NBPF3: variants seen among roughly 807,000 people sequenced by gnomAD.
NBPF3 encodes the protein NBPF family member NBPF3.
A neutral mutation model predicts 78.1 loss-of-function variants in NBPF3; 57 were observed. The ratio of observed to expected loss-of-function variants is 0.73; its 90% CI spans 0.59 to 0.91. The LOEUF is 0.91. NBPF3 is among the 40% of genes least tolerant of loss of function. NBPF3 has a pLI of 0.00. For synonymous variants in NBPF3, 182 were observed against 271.7 expected (o/e 0.67, Z 3.25); for missense variants, 510 against 715.3 (o/e 0.71, Z 3.27).
Position 21,473,564 on chromosome 1 carries a change from G to A in NBPF3, c.919G>A (p.Asp307Asn). The change falls in exon 7 of 15, where the codon GAT becomes AAT. Residue 307 changes from aspartate (D) to asparagine (N), a missense_variant. Coordinates refer to ENST00000318249, the MANE Select transcript of NBPF3 (RefSeq NM_032264.6). ...IDSSSHDEWLDAVCIIPENES... is the reference protein window; with the variant it reads ...IDSSSHDEWLNAVCIIPENES... ...CTCATCCTCTCATGATGAATGGTTG[G>A]ATGCTGTATGCATTATCCCAGGTAG... The A allele has an allele frequency of 6.2e-7, 1 of 1,614,170 alleles. No homozygotes were observed. Among genetic ancestry groups the A allele is most frequent in the Non-Finnish European group, 8.5e-7 (1 of 1,179,984 alleles).
rs569021932 is a variant in NBPF3 at position 21,482,191 on chromosome 1, C to T, written c.1607-293C>T. 2.2e-3 allele frequency among the ~76,000 whole-genome samples: 334 copies of T among 150,244 alleles called. 6 individuals are homozygous for T. The highest frequency in any genetic ancestry group is 1.4e-3 in the Non-Finnish European group (94 of 67,628). On this transcript the variant is annotated intron_variant, in intron 13 of 14. Transcript: ENST00000318249. The stretch of plus-strand genomic sequence containing the variant: ...TTTTCTCCTAGAAATCGTTTGAGGG[C>T]ATTTGCTTTAAATTGATTGGAAAGA...
intron 2 of NBPF3, among the ~76,000 whole-genome samples, chr1:21,455,011 G>C (rs532092812): frequency 9.1e-4 from 138 of 152,282 alleles, no homozygotes; most frequent in African/African-American, 3.0e-3. Flanking sequence ...CCTTGTGACT[G>C]TAGGACTGAG....
At position 21,468,834 on chromosome 1, in the gene NBPF3, C is replaced by G. The variant is rs1028497827; in HGVS notation, c.280C>G (p.Leu94Val). 3 of 1,614,042 alleles carry G rather than the reference C, an allele frequency of 1.9e-6. No homozygotes were observed. Among genetic ancestry groups the G allele is most frequent in the East Asian group, 2.2e-5 (1 of 44,896 alleles). ...AGAGAACAAACAGCAGTTCAGAAAC[C>G]TCAAACAGAAATGTCTTGTAACTCA... ...LAENKQQFRN[L>V]KQKCLVTQVA... Residue 94 changes from leucine to valine, a missense_variant, in exon 3 of 15, where the codon CTC becomes GTC. Physicochemically the swap from Leu to Val is conservative, Grantham distance 32. This residue lies in a region of NBPF3 where 440 missense variants were observed against 478.2 expected (regional missense o/e 0.92). Coordinates refer to ENST00000318249, the MANE Select transcript of NBPF3 (RefSeq NM_032264.6).
chr1:21,474,534 C>T (rs1161840806), intron 7 of NBPF3, among the ~76,000 whole-genome samples: 2 of 151,300 alleles, frequency 1.3e-5, no homozygotes, highest in African/African-American at 4.9e-5. Context: ...GTGTAGATCC[C>T]TCTAAACATT....
chr1:21,444,985 G>A lies in NBPF3; in HGVS notation c.-102G>A. On this transcript the variant is annotated 5_prime_UTR_variant, in exon 2 of 15. Coordinates refer to ENST00000318249, the MANE Select transcript of NBPF3 (RefSeq NM_032264.6). ...CAAATCCTGTTTAGACCCAGGCGAA[G>A]GTTCCTGGTGACCCAGGCTCTCACC... The A allele has an allele frequency of 1.5e-6, 2 of 1,343,548 alleles. No individual in the cohort carries two copies. The highest frequency in any genetic ancestry group is 1.5e-5 in the African/African-American group (1 of 68,158). The allele number at this position is 1,343,548 out of a possible 1,614,324, so 83.2% of individuals were successfully genotyped here.
upstream of NBPF3, among the ~76,000 whole-genome samples, chr1:21,437,098 T>C (rs533512796): frequency 3.3e-5 from 5 of 152,064 alleles, no homozygotes; most frequent in South Asian, 1.0e-3. Flanking sequence ...GTTAGGGTCC[T>C]GGTAGAGAGG....
chr1:21,473,600 C>A lies in NBPF3; in HGVS notation c.940+15C>A, dbSNP rs750737912. 2 of 1,604,646 alleles carry A rather than the reference C, an allele frequency of 1.2e-6. No individual in the cohort carries two copies. The highest frequency in any genetic ancestry group is 1.7e-5 in the Admixed American group (1 of 60,016). On this transcript the variant is annotated intron_variant, in intron 7 of 14. Transcript: ENST00000318249. ...CATTATCCCAGGTAGCCTCTATTTT[C>A]CTGTGTCTCACACCTTTTCCTATGC...
chr1:21,473,687 T>A, intron 7 of NBPF3, 102 bp downstream of exon 7: 1 of 1,045,572 alleles, frequency 9.6e-7, no homozygotes, highest in African/African-American at 1.6e-5. Flanking sequence ...TAAAATCTAT[T>A]ATGGTATTCT....
chr1:21,457,182 G>GTGTA (rs1385759003), intron 2 of NBPF3, among the ~76,000 whole-genome samples: 1 of 151,658 alleles, frequency 6.6e-6, no homozygotes, highest in East Asian at 1.9e-4. Flanking sequence ...GTGTGTGTGT[G>GTGTA]TGTGTGTATG....
intron 1 of NBPF3, among the ~76,000 whole-genome samples, chr1:21,443,237 T>C (rs975894974): frequency 2.6e-5 from 4 of 152,248 alleles, no homozygotes; most frequent in African/African-American, 9.6e-5. Context: ...TAGGTGATAA[T>C]TTATAAATGA....
chr1:21,441,508 A>G (rs1640644953), intron 1 of NBPF3, among the ~76,000 whole-genome samples: 1 of 152,072 alleles, frequency 6.6e-6, no homozygotes, highest in Admixed American at 6.6e-5. Flanking sequence ...GGATTTCCAC[A>G]CTAGCCTCGG....
intron 3 of NBPF3, among the ~76,000 whole-genome samples, chr1:21,469,681 C>T (rs1187851014): frequency 1.3e-5 from 2 of 152,118 alleles, no homozygotes; most frequent in Non-Finnish European, 1.5e-5. Context: ...GCCAAGAACA[C>T]GCCATTGCAC....
In NBPF3 at chr1:21,470,752, G is replaced by C; in HGVS notation, c.446+18G>C. ...GAGCTCAGGTGAGTGGGCCCCCTGG[G>C]GTCAGGCAGGTGGGCAGGTGTGTAA... On this transcript the variant is annotated intron_variant, in intron 4 of 14. Coordinates refer to ENST00000318249, the MANE Select transcript of NBPF3 (RefSeq NM_032264.6). 2 of 1,547,294 alleles carry C rather than the reference G, an allele frequency of 1.3e-6. No individual in the cohort carries two copies. Among genetic ancestry groups the C allele is most frequent in the South Asian group, 2.2e-5 (2 of 90,016 alleles).
At chr1:21,482,293 C>T (rs1440217049) in intron 13 of NBPF3, among the ~76,000 whole-genome samples, 191 bp from the exon 14 acceptor site, 1 of 126,714 alleles carries the variant, frequency 7.9e-6, no homozygotes, top group Non-Finnish European at 1.7e-5. Flanking sequence ...ACATTTTACC[C>T]TTAGTTTCTG....
chr1:21,465,586 C>G lies in NBPF3; in HGVS notation c.134-3102C>G, dbSNP rs199909454. 9.2e-5 allele frequency among the ~76,000 whole-genome samples: 14 copies of G among 152,300 alleles called. No individual in the cohort carries two copies. The East Asian group carries it at 2.1e-3, about 23-fold the overall frequency. On this transcript the variant is annotated intron_variant, in intron 2 of 14. Coordinates refer to ENST00000318249, the MANE Select transcript of NBPF3 (RefSeq NM_032264.6). The stretch of plus-strand genomic sequence containing the variant: ...AGTAAAGGACATCTGGCTTGCTGGG[C>G]TCCATTTAAACTTTGAGTATAGCAG...
At chr1:21,446,814 G>A (rs1641015749) in intron 2 of NBPF3, among the ~76,000 whole-genome samples, 1 of 152,070 alleles carries the variant, frequency 6.6e-6, no homozygotes, top group Non-Finnish European at 1.5e-5. Context: ...CAGCTGCTGA[G>A]TCTCAGTGGT....
intron 1 of NBPF3, chr1:21,442,192 T>A (rs1640693020): frequency 6.6e-6 from 1 of 152,226 alleles, no homozygotes; most frequent in African/African-American, 2.4e-5. Context: ...TCTTTTATGT[T>A]GTTTTTTCAT....
At chr1:21,444,593 A>G (rs1640853278) in intron 1 of NBPF3, among the ~76,000 whole-genome samples, 2 of 152,114 alleles carry the variant, frequency 1.3e-5, no homozygotes, top group Non-Finnish European at 2.9e-5. Flanking sequence ...GCTGGAGTAC[A>G]GTGGTGCCAT....
intron 2 of NBPF3, among the ~76,000 whole-genome samples, chr1:21,464,606 A>T (rs4112225): frequency 0.67 from 100,715 of 150,672 alleles, 34,812 homozygotes; most frequent in South Asian, 0.87. Context: ...GAATTTTGTG[A>T]TGTATAAATT....
Sources: allele counts gnomAD v4.1 joint callset (sites outside exome capture counted in the v4.1 genomes callset), GRCh38; gene constraint gnomAD v4.1.1; regional missense constraint gnomAD v4.1.1; transcripts MANE v1.5; gene names NCBI Gene and HGNC (gene_info 2026-07-23, HGNC 2026-07-21).